The following CDYL2 variants were observed in gnomAD, a reference collection of about 807,000 sequenced individuals.
CDYL2 encodes chromodomain Y like 2.
In CDYL2, 23 loss-of-function variants were observed where a neutral mutation model predicts 49.4. The ratio of observed to expected loss-of-function variants is 0.47; its 90% CI spans 0.34 to 0.66. The LOEUF (loss-of-function observed/expected upper bound fraction) is 0.66, where lower values mean the gene tolerates loss of function less well. Among genes scored for constraint, CDYL2 ranks in the 30% least tolerant of loss-of-function variants. The pLI, the probability that CDYL2 is intolerant of heterozygous loss-of-function variation, is 0.01. For synonymous variants in CDYL2, 360 were observed against 268.8 expected (o/e 1.34, Z -3.32); for missense variants, 678 against 656.4 (o/e 1.03, Z -0.36).
At position 80,612,769 on chromosome 16, in the gene CDYL2, C is replaced by T; in HGVS notation, c.1075G>A (p.Gly359Ser). The T allele has an allele frequency of 1.2e-6, 2 of 1,613,832 alleles. No homozygotes were observed. The highest frequency in any genetic ancestry group is 1.7e-6 in the Non-Finnish European group (2 of 1,180,002). Reference sequence around the variant, plus strand: ...AGGGGCAGGATGGAGGCACCCAGGCCCAGGGCCGGCCCATTGATGGCCACC... The same window carrying T: ...AGGGGCAGGATGGAGGCACCCAGGCTCAGGGCCGGCCCATTGATGGCCACC... ...IVVAINGPAL[G>S]LGASILPLCD... Residue 359 changes from glycine (G) to serine (S), a missense_variant, in exon 5 of 7, where the codon GGC becomes AGC. By Grantham distance (56) the Gly-to-Ser change is moderately conservative. Around this residue, in one of 3 missense-constraint regions of CDYL2, gnomAD observed 47 missense variants for 78.8 expected, o/e 0.60. Transcript: ENST00000570137. This position sits in a 1 kb window ranked among gnomAD's most constrained non-coding sequence, Gnocchi z 5.0.
chr16:80,611,129 G>A (rs1906576352), intron 5 of CDYL2, among the ~76,000 whole-genome samples: 1 of 152,166 alleles, frequency 6.6e-6, no homozygotes, highest in Non-Finnish European at 1.5e-5. Context: ...AATGTCACCT[G>A]CTCAAAGGGG....
At chr16:80,751,936 T>A (rs1049053979) in intron 1 of CDYL2, among the ~76,000 whole-genome samples, 2 of 152,126 alleles carry the variant, frequency 1.3e-5, no homozygotes, top group African/African-American at 2.4e-5. Context: ...ATACTCTTTG[T>A]AGAAGGAAAC....
At chr16:80,646,151 A>G (rs539000666) in intron 2 of CDYL2, among the ~76,000 whole-genome samples, 58 of 152,112 alleles carry the variant, frequency 3.8e-4, no homozygotes, top group Non-Finnish European at 7.4e-4. Context: ...TTAAAAAAAA[A>G]CAAAAAAATT....
intron 1 of CDYL2, among the ~76,000 whole-genome samples, chr16:80,767,715 G>C: frequency 6.6e-6 from 1 of 152,186 alleles, no homozygotes; most frequent in Non-Finnish European, 1.5e-5. Flanking sequence ...CAGGATGCTG[G>C]AGAATGCAAC....
At chr16:80,678,851 T>C (rs1215282237) in intron 2 of CDYL2, among the ~76,000 whole-genome samples, 1 of 151,058 alleles carries the variant, frequency 6.6e-6, no homozygotes, top group Non-Finnish European at 1.5e-5. Flanking sequence ...AGCAAAGACT[T>C]GGAACCAGCC....
intron 1 of CDYL2, among the ~76,000 whole-genome samples, chr16:80,706,145 G>A (rs1904397105): frequency 6.6e-6 from 1 of 152,164 alleles, no homozygotes; most frequent in Non-Finnish European, 1.5e-5. Flanking sequence ...CCAGCCAAGT[G>A]ACTACATGCC....
chr16:80,663,898 T>G (rs775971768), intron 2 of CDYL2, among the ~76,000 whole-genome samples: 1 of 152,196 alleles, frequency 6.6e-6, no homozygotes, highest in Non-Finnish European at 1.5e-5. Flanking sequence ...CGCCTAAATG[T>G]TTAAAGCATT....
At chr16:80,765,275 T>A (rs962966343) in intron 1 of CDYL2, among the ~76,000 whole-genome samples, 1 of 151,186 alleles carries the variant, frequency 6.6e-6, no homozygotes, top group Non-Finnish European at 1.5e-5. Context: ...TATCCCATAA[T>A]GAAACAAACA....
intron 3 of CDYL2, among the ~76,000 whole-genome samples, chr16:80,630,659 G>A (rs2142388903): frequency 6.6e-6 from 1 of 152,048 alleles, no homozygotes; most frequent in East Asian, 1.9e-4. Context: ...GGATGGAGAG[G>A]CCCCCAAAAC....
chr16:80,627,433 C>A (rs905311831), intron 3 of CDYL2: 3 of 152,180 alleles, frequency 2.0e-5, no homozygotes, highest in African/African-American at 7.2e-5. Flanking sequence ...AACAAAACAG[C>A]CATCTCATTT....
rs528298726 is a variant in CDYL2, at chr16:80,722,592, A to C, written c.25-37463T>G. On this transcript the variant is annotated intron_variant, in intron 1 of 6. Coordinates refer to ENST00000570137, the MANE Select transcript of CDYL2 (RefSeq NM_152342.4). The stretch of plus-strand genomic sequence containing the variant: ...AACTAAGCCTAGTTTTCTTAGGCCT[A>C]TTTTACAGATTAGAAAACTGAGGAT... 7.9e-5 allele frequency among the ~76,000 whole-genome samples: 12 copies of C among 152,310 alleles called. 1 individual carries two copies. In the South Asian group the frequency reaches 2.5e-3, roughly 32 times the overall value.
chr16:80,667,288 G>A (rs1909306542), intron 2 of CDYL2, among the ~76,000 whole-genome samples: 1 of 152,158 alleles, frequency 6.6e-6, no homozygotes, highest in South Asian at 2.1e-4. Flanking sequence ...CTGGAGCTCA[G>A]CCTCCCGTGC....
intron 2 of CDYL2, among the ~76,000 whole-genome samples, chr16:80,639,056 C>T (rs1396193850): frequency 6.6e-6 from 1 of 151,970 alleles, no homozygotes; most frequent in Non-Finnish European, 1.5e-5. Context: ...GAAGAGACAC[C>T]TCAACAAAGA....
intron 1 of CDYL2, among the ~76,000 whole-genome samples, chr16:80,699,219 C>A (rs1018471339): frequency 1.3e-5 from 2 of 152,176 alleles, no homozygotes; most frequent in African/African-American, 4.8e-5. Flanking sequence ...ATGTTTACTG[C>A]AGCACTATTC....
In CDYL2 at chr16:80,675,600, G is replaced by A. The variant is rs115527328; in HGVS notation, c.616+8938C>T. ...GCCCTGGGATCCACCTCAATGGGGAGAGTGGCTTTTCACCGACATTAGGAG... is the reference window on the plus strand; with the variant it reads ...GCCCTGGGATCCACCTCAATGGGGAAAGTGGCTTTTCACCGACATTAGGAG... On this transcript the variant is annotated intron_variant, in intron 2 of 6. Transcript: ENST00000570137. Among the ~76,000 whole-genome samples the A allele has an allele frequency of 6.7e-3, 1,019 of 152,252 alleles. 20 individuals are homozygous for A. The highest frequency in any genetic ancestry group is 0.023 in the African/African-American group (957 of 41,548).
intron 1 of CDYL2, among the ~76,000 whole-genome samples, chr16:80,747,548 T>A (rs1291359684): frequency 6.6e-6 from 1 of 152,144 alleles, no homozygotes; most frequent in Non-Finnish European, 1.5e-5. Context: ...AATGTTGTCG[T>A]GAATAGTGGT....
intron 2 of CDYL2, among the ~76,000 whole-genome samples, chr16:80,659,388 C>T (rs1030276237): frequency 2.6e-5 from 4 of 151,844 alleles, no homozygotes; most frequent in African/African-American, 7.3e-5. Flanking sequence ...GACATTATTG[C>T]GGTAATAGCA....
chr16:80,625,284 T>C (rs548888349), intron 3 of CDYL2, among the ~76,000 whole-genome samples: 1 of 152,348 alleles, frequency 6.6e-6, no homozygotes, highest in South Asian at 2.1e-4. Context: ...CCTTGGTTCC[T>C]GGCCCCTTCC....
intron 2 of CDYL2, among the ~76,000 whole-genome samples, chr16:80,659,201 C>T (rs1312184333): frequency 6.6e-6 from 1 of 152,086 alleles, no homozygotes; most frequent in Non-Finnish European, 1.5e-5. Context: ...CTTGAAGAAA[C>T]ATTAGATAAA....
Sources: gnomAD v4.1 joint callset for allele counts (sites outside exome capture counted in the v4.1 genomes callset) on GRCh38, gnomAD v4.1.1 for gene constraint, gnomAD v4.1.1 regional missense constraint, Gnocchi (gnomAD v3.1) non-coding constraint, MANE v1.5 for transcripts, NCBI Gene and HGNC (gene_info 2026-07-23, HGNC 2026-07-21) for gene names.